SPIRE1: variants seen among roughly 807,000 people sequenced by gnomAD.
SPIRE1 encodes the protein protein spire homolog 1.
SPIRE1 carries 40 observed loss-of-function variants against 94.1 expected under a neutral mutation model. That is an observed-to-expected ratio of 0.43 (90% CI 0.33 to 0.55). The LOEUF is 0.55. Among genes scored for constraint, SPIRE1 ranks in the 20% least tolerant of loss-of-function variants. The pLI is 0.06. For missense variants in SPIRE1, 838 were observed against 975.2 expected (o/e 0.86, Z 1.87); for synonymous variants, 376 against 371.7 (o/e 1.01, Z -0.13).
chr18:12,603,936 A>T lies in SPIRE1; in HGVS notation c.372+31126T>A, dbSNP rs187999043. Among the ~76,000 whole-genome samples the T allele has an allele frequency of 5.9e-5, 9 of 152,088 alleles. 1 individual carries two copies. Among genetic ancestry groups the T allele is most frequent in the Admixed American group, 3.9e-4 (6 of 15,266 alleles). ...ATAACGAAGCTTCCCTAAAAACCCA[A>T]AGGGACTGGGTTTGGGGAGCTTCCA... is the stretch of plus-strand genomic sequence containing the variant. On this transcript the variant is annotated intron_variant, in intron 2 of 16. Coordinates refer to ENST00000409402, the MANE Select transcript of SPIRE1 (RefSeq NM_001128626.2).
At chr18:12,534,645 G>T (rs2034785321) in intron 4 of SPIRE1, among the ~76,000 whole-genome samples, 1 of 152,084 alleles carries the variant, frequency 6.6e-6, no homozygotes, top group African/African-American at 2.4e-5. Context: ...TCCTACCCTT[G>T]GTCTTTGGAC....
intron 2 of SPIRE1, among the ~76,000 whole-genome samples, chr18:12,618,085 T>C (rs973675724): frequency 6.6e-5 from 10 of 152,088 alleles, no homozygotes; most frequent in Non-Finnish European, 1.5e-4. Context: ...AGGTTCAAAC[T>C]ATAAGGTACT....
At position 12,450,813 on chromosome 18, in the gene SPIRE1, C is replaced by T. The variant is rs187716887; in HGVS notation, c.2013-917G>A. On this transcript the variant is annotated intron_variant, in intron 16 of 16. Coordinates refer to ENST00000409402, the MANE Select transcript of SPIRE1 (RefSeq NM_001128626.2). ...CCTGGCATCTCTATTGGAGACATGG[C>T]AAAAAAGCTGGGTGAGATGCGGAAT... is the stretch of plus-strand genomic sequence containing the variant. The T allele has an allele frequency of 3.3e-3, 2,445 of 734,374 alleles. 24 individuals carry two copies. Among genetic ancestry groups the T allele is most frequent in the South Asian group, 0.014 (1,006 of 73,094 alleles). 45.5% of individuals were successfully genotyped at this position (734,374 alleles called of 1,614,324 possible).
At chr18:12,453,197 C>A in intron 13 of SPIRE1, 59 bp from the exon 14 acceptor site, 2 of 1,219,442 alleles carry the variant, frequency 1.6e-6, no homozygotes, top group African/African-American at 1.5e-5. Context: ...TTCCTAATAT[C>A]CATGTTTGAA....
At position 12,571,628 on chromosome 18, in the gene SPIRE1, A is replaced by G. The variant is rs186700492; in HGVS notation, c.373-24724T>C. The stretch of plus-strand genomic sequence containing the variant: ...ACATTTTTCCACTGTGTTCACAAAA[A>G]TACTATAAAGCTTTAATAAAATACT... On this transcript the variant is annotated intron_variant, in intron 2 of 16. Transcript: ENST00000409402. 6.6e-5 allele frequency among the ~76,000 whole-genome samples: 10 copies of G among 152,352 alleles called. No homozygotes were observed. In the East Asian group the frequency reaches 1.9e-3, roughly 29 times the overall value.
chr18:12,460,712 C>CAA (rs11461725), intron 12 of SPIRE1, among the ~76,000 whole-genome samples: 82 of 140,514 alleles, frequency 5.8e-4, no homozygotes, highest in Middle Eastern at 3.6e-3. Context: ...AACTCCATCT[C>CAA]AAAAAAAAAA....
At chr18:12,657,168 G>C (rs1056893664) in intron 1 of SPIRE1, among the ~76,000 whole-genome samples, 14 of 151,566 alleles carry the variant, frequency 9.2e-5, no homozygotes, top group Non-Finnish European at 1.5e-4. Flanking sequence ...GGCGTGAGGC[G>C]CACAGGCCGC....
chr18:12,608,854 A>G (rs777735819), intron 2 of SPIRE1, among the ~76,000 whole-genome samples: 3 of 152,170 alleles, frequency 2.0e-5, no homozygotes, highest in Non-Finnish European at 4.4e-5. Flanking sequence ...AGGTTCCATA[A>G]GGTTAAGAGT....
chr18:12,601,602 G>A (rs548204433), intron 2 of SPIRE1, among the ~76,000 whole-genome samples: 1 of 152,202 alleles, frequency 6.6e-6, no homozygotes, highest in South Asian at 2.1e-4. Context: ...CACTCCAGAT[G>A]AAAGAAAATT....
chr18:12,454,204 G>A (rs941161082), intron 13 of SPIRE1, 142 bp downstream of exon 13: 6 of 951,500 alleles, frequency 6.3e-6, no homozygotes, highest in Non-Finnish European at 9.8e-6. Context: ...CACATGTACT[G>A]TCTACTAGGA....
intron 10 of SPIRE1, among the ~76,000 whole-genome samples, chr18:12,472,345 T>C (rs182019110): frequency 2.5e-3 from 378 of 150,186 alleles, no homozygotes; most frequent in African/African-American, 8.9e-3. Context: ...ACAAAACCAT[T>C]ATAGCGACAC....
rs142604549 is a variant in SPIRE1, at chr18:12,593,555, G to A, written c.372+41507C>T. ...TTGAAAGAATATTTACTAAATTCCC[G>A]CTATATACCCAGCATTACACAGGGC... On this transcript the variant is annotated intron_variant, in intron 2 of 16. Transcript: ENST00000409402. Among the ~76,000 whole-genome samples, 1,491 of 152,236 alleles carry A rather than the reference G, an allele frequency of 9.8e-3. 14 individuals are homozygous for A. The highest frequency in any genetic ancestry group is 0.014 in the Non-Finnish European group (950 of 68,014).
intron 1 of SPIRE1, among the ~76,000 whole-genome samples, chr18:12,642,693 T>C (rs1439648422): frequency 6.6e-6 from 1 of 152,050 alleles, no homozygotes; most frequent in Non-Finnish European, 1.5e-5. Flanking sequence ...ATGGTCTCAC[T>C]CATAAGTGGG....
chr18:12,494,905 C>CCAGG (rs2143882404), intron 7 of SPIRE1, among the ~76,000 whole-genome samples: 1 of 145,942 alleles, frequency 6.9e-6, no homozygotes, highest in African/African-American at 2.6e-5. Context: ...AAAAAATTAG[C>CCAGG]CAGGCGTGGT....
At chr18:12,597,030 T>C (rs76018167) in intron 2 of SPIRE1, among the ~76,000 whole-genome samples, 1 of 152,160 alleles carries the variant, frequency 6.6e-6, no homozygotes, top group East Asian at 1.9e-4. Flanking sequence ...TTCTAGCCAA[T>C]CATCACATCT....
rs117951084 is a variant in SPIRE1, at chr18:12,534,499, G to A, written c.729+977C>T. ...ATGTGTTACCAGAGGATACTAGTGT[G>A]TGAGTCTGAGTGGACTAAGTGGTGC... On this transcript the variant is annotated intron_variant, in intron 4 of 16. Coordinates refer to ENST00000409402, the MANE Select transcript of SPIRE1 (RefSeq NM_001128626.2). Among the ~76,000 whole-genome samples the A allele has an allele frequency of 1.9e-4, 29 of 152,324 alleles. No individual in the cohort carries two copies. In the East Asian group the frequency reaches 5.6e-3, roughly 29 times the overall value.
At chr18:12,572,343 G>A (rs974568618) in intron 2 of SPIRE1, among the ~76,000 whole-genome samples, 26 of 152,022 alleles carry the variant, frequency 1.7e-4, no homozygotes, top group African/African-American at 6.3e-4. Flanking sequence ...GTCTCACTAT[G>A]TTGCCCCAAC....
At chr18:12,602,073 C>T (rs921846829) in intron 2 of SPIRE1, among the ~76,000 whole-genome samples, 1 of 152,130 alleles carries the variant, frequency 6.6e-6, no homozygotes, top group Non-Finnish European at 1.5e-5. Flanking sequence ...GTGCGCATGT[C>T]TGCACGTGTG....
chr18:12,507,353 T>C (rs2033870459), intron 5 of SPIRE1, among the ~76,000 whole-genome samples: 1 of 152,148 alleles, frequency 6.6e-6, no homozygotes, highest in Non-Finnish European at 1.5e-5. Context: ...AAGTGGTACT[T>C]TATCACTTGT....
Sources: allele counts gnomAD v4.1 joint callset (sites outside exome capture counted in the v4.1 genomes callset), GRCh38; gene constraint gnomAD v4.1.1; transcripts MANE v1.5; gene names NCBI Gene and HGNC (gene_info 2026-07-23, HGNC 2026-07-21).